Variants in FBF1 observed in about 807,000 individuals in gnomAD.
FBF1 encodes the protein fas-binding factor 1.
A neutral mutation model predicts 147.2 loss-of-function variants in FBF1; 119 were observed. That is an observed-to-expected ratio of 0.81 (90% CI 0.70 to 0.94). FBF1 has a LOEUF of 0.94. Ranked by LOEUF, FBF1 falls within the 40% of genes least tolerant of loss-of-function variation. The pLI, the probability that FBF1 is intolerant of heterozygous loss-of-function variation, is 0.00. For missense variants in FBF1, 1,449 were observed against 1,500.8 expected, an observed-to-expected ratio of 0.97 and a Z score of 0.57; for synonymous variants, 601 against 609.0, an observed-to-expected ratio of 0.99 and a Z score of 0.19.
In FBF1 at chr17:75,910,841, C is replaced by G; in HGVS notation, c.3364-35G>C. 6.4e-7 allele frequency: 1 copy of G among 1,560,196 alleles called. No homozygotes were observed. Among genetic ancestry groups the G allele is most frequent in the Non-Finnish European group, 8.7e-7 (1 of 1,144,618 alleles). ...AGGTTTGGATGGGCGGTCACCTTCC[C>G]TGAGCTGAGAGGGAGGTGGAGCCCT... On this transcript the variant is annotated intron_variant, in intron 29 of 29. Coordinates refer to ENST00000636174, the MANE Select transcript of FBF1 (RefSeq NM_001319193.2). This position sits in a 1 kb window ranked among gnomAD's most constrained non-coding sequence, Gnocchi z 4.1.
intron 10 of FBF1, 117 bp downstream of exon 10, chr17:75,926,640 AC>A: frequency 6.9e-7 from 1 of 1,446,502 alleles, no homozygotes; most frequent in South Asian, 1.3e-5. Flanking sequence ...TTTGTACTGG[AC>A]CTTAGACCTC....
chr17:75,929,992 CTT>C lies in FBF1; in HGVS notation c.279+3_279+4del. On this transcript the variant is annotated splice_donor_region_variant and intron_variant, in intron 7 of 29. Transcript: ENST00000636174. ...TTCTAAGAATCGTGCAAGCTGTTTC[CTT>C]ACCTTCATGGCCTGGAGCAGAGCCT... The C allele has an allele frequency of 2.5e-6, 3 of 1,203,482 alleles. No individual in the cohort carries two copies. The allele number at this position is 1,203,482 out of a possible 1,614,324, so 74.6% of individuals were successfully genotyped here.
At chr17:75,914,395 G>T in intron 25 of FBF1, 97 bp from the exon 26 acceptor site, 1 of 1,468,146 alleles carries the variant, frequency 6.8e-7, no homozygotes, top group African/African-American at 1.4e-5. Flanking sequence ...CTGCCCCTGG[G>T]AGGAGGTGGT....
In FBF1 at chr17:75,918,223, G is replaced by A. The variant is rs565666350; in HGVS notation, c.2185C>T (p.Arg729Trp). 9 of 1,613,392 alleles carry A rather than the reference G, an allele frequency of 5.6e-6. No homozygotes were observed. Among genetic ancestry groups the A allele is most frequent in the East Asian group, 2.2e-5 (1 of 44,864 alleles). Residue 729 changes from arginine (R) to tryptophan (W), a missense_variant, in exon 21 of 30, where the codon CGG becomes TGG. Physicochemically the swap from Arg to Trp is moderately radical, Grantham distance 101. Coordinates refer to ENST00000636174, the MANE Select transcript of FBF1 (RefSeq NM_001319193.2). The surrounding 1 kb of genome is among the most constrained non-coding windows in gnomAD (Gnocchi z 5.8). ...TCTCGGTCCTTCAGCAGCTTTAGCCGCTGCAGCTGCTCCTCGTGGTCTCTG... is the reference window on the plus strand; with the variant it reads ...TCTCGGTCCTTCAGCAGCTTTAGCCACTGCAGCTGCTCCTCGTGGTCTCTG... ...MRRDHEEQLQ[R>W]LKLLKDREVD...
intron 15 of FBF1, 121 bp downstream of exon 15, chr17:75,921,824 T>C: frequency 2.2e-6 from 2 of 889,362 alleles, no homozygotes; most frequent in Non-Finnish European, 3.4e-6. Context: ...GGGCAGCCTC[T>C]GTGTGGGACA....
In FBF1 at chr17:75,926,443, G is replaced by T. The variant is rs373109694; in HGVS notation, c.596-17C>A. The stretch of plus-strand genomic sequence containing the variant: ...TAGAGGGACCTGAAAGACAAAACAA[G>T]GCCCAATGCCTGCAGCCTTCTTGCC... On this transcript the variant is annotated splice_polypyrimidine_tract_variant and intron_variant, in intron 10 of 29. Transcript: ENST00000636174. The T allele has an allele frequency of 2.6e-6, 4 of 1,538,476 alleles. No individual in the cohort carries two copies. The African/African-American group carries it at 5.5e-5, about 21-fold the overall frequency.
intron 3 of FBF1, among the ~76,000 whole-genome samples, 165 bp from the exon 4 acceptor site, chr17:75,935,838 C>G (rs2065621353): frequency 1.3e-5 from 2 of 152,176 alleles, no homozygotes; most frequent in Non-Finnish European, 2.9e-5. Flanking sequence ...TTTCTGGCAA[C>G]AAGTCACAAA....
Position 75,922,147 on chromosome 17 carries a change from C to A in FBF1, c.1425-101G>T. 1.1e-6 allele frequency: 1 copy of A among 936,210 alleles called. No individual in the cohort carries two copies. Among genetic ancestry groups the A allele is most frequent in the Non-Finnish European group, 1.6e-6 (1 of 615,698 alleles). The allele number at this position is 936,210 out of a possible 1,614,324, so 58.0% of individuals were successfully genotyped here. Reference sequence around the variant, plus strand: ...GGCTTCACACGTGAAGCTCGTGGCCCCCCTTCCTCCTGCTTCCACCATCCC... The same window carrying A: ...GGCTTCACACGTGAAGCTCGTGGCCACCCTTCCTCCTGCTTCCACCATCCC... On this transcript the variant is annotated intron_variant, in intron 14 of 29. Transcript: ENST00000636174. The surrounding 1 kb of genome is among the most constrained non-coding windows in gnomAD (Gnocchi z 5.0).
intron 10 of FBF1, 90 bp downstream of exon 10, chr17:75,926,668 G>A: frequency 1.3e-6 from 2 of 1,530,698 alleles, no homozygotes; most frequent in South Asian, 2.4e-5. Context: ...CCACCTGGGA[G>A]AGGCCTCTGG....
intron 7 of FBF1, 33 bp downstream of exon 7, chr17:75,929,964 C>CCCCCCCCACAAAA: frequency 7.1e-7 from 1 of 1,402,202 alleles, no homozygotes; most frequent in Non-Finnish European, 9.9e-7. Context: ...CACCCACCCC[C>CCCCCCCCACAAAA]AGTTCTAAGA....
chr17:75,934,972 A>G (rs2065615492), intron 4 of FBF1, among the ~76,000 whole-genome samples: 1 of 152,046 alleles, frequency 6.6e-6, no homozygotes, highest in Admixed American at 6.6e-5. Flanking sequence ...GAGAGTAAAT[A>G]ATAAGTGCTT....
chr17:75,926,728 A>G, intron 10 of FBF1, 30 bp downstream of exon 10: 2 of 1,599,206 alleles, frequency 1.3e-6, no homozygotes, highest in Non-Finnish European at 1.7e-6. Flanking sequence ...CTCTTCCTCC[A>G]GGATGGGAAA....
chr17:75,912,465 G>A (rs568399944), intron 28 of FBF1, among the ~76,000 whole-genome samples, 158 bp from the exon 29 acceptor site: 3 of 152,350 alleles, frequency 2.0e-5, no homozygotes, highest in Admixed American at 2.0e-4. Context: ...TCTGGCAAAT[G>A]CATACCTGCT....
chr17:75,913,612 A>T (rs1028058972), intron 28 of FBF1, 90 bp downstream of exon 28: 73 of 1,023,392 alleles, frequency 7.1e-5, no homozygotes, highest in Non-Finnish European at 9.6e-5. Context: ...TGGCCGCCTT[A>T]ACTGGAGCGG....
At position 75,921,874 on chromosome 17, in the gene FBF1, CCT is replaced by C. The variant is rs1051478698; in HGVS notation, c.1526+69_1526+70del. ...GGGCAGGGTGAACAGCCTCTGTGTC[CCT>C]CTCTCAGGACAGAGGCCTGTGCTGC... On this transcript the variant is annotated intron_variant, in intron 15 of 29. Transcript: ENST00000636174. The C allele has an allele frequency of 2.2e-6, 3 of 1,335,896 alleles. No homozygotes were observed. In the African/African-American group the frequency reaches 4.4e-5, roughly 19 times the overall value. 82.8% of individuals were successfully genotyped at this position (1,335,896 alleles called of 1,614,324 possible). A position where few individuals can be genotyped will look rare whatever the true frequency, so the allele number is the denominator to read the frequency against.
At chr17:75,913,663 A>C in intron 28 of FBF1, 39 bp downstream of exon 28, 1 of 1,518,044 alleles carries the variant, frequency 6.6e-7, no homozygotes, top group Non-Finnish European at 8.8e-7. Flanking sequence ...GCCCCTGCCC[A>C]GTCCTGAGCC....
In FBF1 at chr17:75,932,988, C is replaced by A; in HGVS notation, c.167+7G>T. ...GTCATGGATACCCAGTCGGACCCTGCCCTTACTTTGTTCTCGCCTTTGAAG... is the reference window on the plus strand; with the variant it reads ...GTCATGGATACCCAGTCGGACCCTGACCTTACTTTGTTCTCGCCTTTGAAG... On this transcript the variant is annotated splice_region_variant and intron_variant, in intron 5 of 29. Transcript: ENST00000636174. 8.8e-6 allele frequency: 14 copies of A among 1,589,886 alleles called. No individual in the cohort carries two copies. Among genetic ancestry groups the A allele is most frequent in the Non-Finnish European group, 1.2e-5 (14 of 1,161,372 alleles).
Position 75,920,017 on chromosome 17 carries a change from T to C in FBF1, c.1921A>G (p.Ser641Gly). 1 of 1,606,954 alleles carries C rather than the reference T, an allele frequency of 6.2e-7. No homozygotes were observed. Among genetic ancestry groups the C allele is most frequent in the Non-Finnish European group, 8.5e-7 (1 of 1,176,900 alleles). Residue 641 changes from serine to glycine, a missense_variant, in exon 19 of 30, where the codon AGT becomes GGT. By Grantham distance (56) the Ser-to-Gly change is moderately conservative. Coordinates refer to ENST00000636174, the MANE Select transcript of FBF1 (RefSeq NM_001319193.2). Reference protein sequence around the residue: ...QHQADLELIESAHRSRIKVLE... With the variant: ...QHQADLELIEGAHRSRIKVLE... ...CCAGCGCCAGGGTACCTGTGTGCAC[T>C]CTCGATGAGCTCCAGGTCTGCCTGG... is the stretch of plus-strand genomic sequence containing the variant.
rs2065532526 is a variant in FBF1, at chr17:75,922,229, C to CCTTCCAGT, written c.1425-191_1425-184dup. 1 of 565,946 alleles carries CCTTCCAGT rather than the reference C, an allele frequency of 1.8e-6. No homozygotes were observed. The highest frequency in any genetic ancestry group is 3.2e-6 in the Non-Finnish European group (1 of 315,228). 35.1% of individuals were successfully genotyped at this position (565,946 alleles called of 1,614,324 possible). A position where few individuals can be genotyped will look rare whatever the true frequency, so the allele number is the denominator to read the frequency against. ...TCCTGGGATTTCTGGGCATCTCTTC[C>CCTTCCAGT]CTTCCAGTACCCCCTTCCTGCCTCA... On this transcript the variant is annotated intron_variant, in intron 14 of 29. Transcript: ENST00000636174. The surrounding 1 kb of genome is among the most constrained non-coding windows in gnomAD (Gnocchi z 5.0).
Sources: allele counts gnomAD v4.1 joint callset (sites outside exome capture counted in the v4.1 genomes callset), GRCh38; gene constraint gnomAD v4.1.1; non-coding constraint Gnocchi (gnomAD v3.1); transcripts MANE v1.5; gene names NCBI Gene and HGNC (gene_info 2026-07-23, HGNC 2026-07-21).